Variants in SPON2 observed in about 807,000 individuals in gnomAD.
SPON2 encodes spondin-2.
A neutral mutation model predicts 29.9 loss-of-function variants in SPON2; 32 were observed. The observed-to-expected ratio is 1.07, with a 90% confidence interval of 0.81 to 1.44. SPON2 has a LOEUF of 1.44. SPON2 is among the 40% of genes most tolerant of loss of function. The pLI is 0.00. For missense variants in SPON2, 541 were observed against 455.5 expected (o/e 1.19, Z -1.71); for synonymous variants, 248 against 209.1 (o/e 1.19, Z -1.61).
chr4:1,186,034 G>A (rs1368649971), intron 1 of SPON2, among the ~76,000 whole-genome samples: 2 of 150,290 alleles, frequency 1.3e-5, no homozygotes, highest in South Asian at 2.1e-4. Flanking sequence ...CACGAGGTCA[G>A]GAGATCGAGA....
At chr4:1,168,110 C>T (rs979989937) in intron 5 of SPON2, 2 of 165,226 alleles carry the variant, frequency 1.2e-5, no homozygotes, top group Non-Finnish European at 1.3e-5. Context: ...CAGACCTTTT[C>T]AGTATCGTTC....
upstream of SPON2, among the ~76,000 whole-genome samples, chr4:1,175,853 C>G (rs1450261470): frequency 6.6e-6 from 1 of 152,094 alleles, no homozygotes; most frequent in African/African-American, 2.4e-5. Context: ...GTGCTCCAGG[C>G]AGGGCCACAG....
intron 2 of SPON2, among the ~76,000 whole-genome samples, chr4:1,178,510 C>T (rs1165996624): frequency 6.6e-6 from 1 of 152,146 alleles, no homozygotes; most frequent in Non-Finnish European, 1.5e-5. Context: ...TGACTTCCTC[C>T]CTGGCCAAGA....
At chr4:1,174,486 C>CAAAAAAAAAAAAAAA (rs59532169), upstream of SPON2, among the ~76,000 whole-genome samples, 388 of 94,156 alleles carry the variant, frequency 4.1e-3, 3 homozygotes, top group African/African-American at 6.0e-3. Context: ...GACTCCATCT[C>CAAAAAAAAAAAAAAA]AAAAAAAAAA....
At chr4:1,167,875 C>T (rs928477635) in intron 5 of SPON2, 3 of 467,514 alleles carry the variant, frequency 6.4e-6, no homozygotes, top group East Asian at 3.4e-5. Context: ...CGCGTTTCTA[C>T]GTAAGAGCCG....
At position 1,167,318 on chromosome 4, in the gene SPON2, G is replaced by C. The variant is rs562640508; in HGVS notation, c.*154C>G. On this transcript the variant is annotated 3_prime_UTR_variant, in exon 6 of 6. Coordinates refer to ENST00000290902, the MANE Select transcript of SPON2 (RefSeq NM_012445.4). Reference sequence around the variant, plus strand: ...CCAATGCCCGTGCCGGCCACCAGAGGGCCCTTCAGTGCAGAGATGGTCGGC... The same window carrying C: ...CCAATGCCCGTGCCGGCCACCAGAGCGCCCTTCAGTGCAGAGATGGTCGGC... The C allele has an allele frequency of 4.5e-4, 320 of 715,142 alleles. No homozygotes were observed. In the African/African-American group the frequency reaches 5.3e-3, roughly 12 times the overall value. 44.3% of individuals were successfully genotyped at this position (715,142 alleles called of 1,614,324 possible). A position where few individuals can be genotyped will look rare whatever the true frequency, so the allele number is the denominator to read the frequency against.
upstream of SPON2, among the ~76,000 whole-genome samples, chr4:1,197,774 C>A (rs775096122): frequency 6.6e-6 from 1 of 152,126 alleles, no homozygotes; most frequent in Non-Finnish European, 1.5e-5. Context: ...CTAGGCTGGG[C>A]GTGGTGGCTC....
chr4:1,171,624 C>T (rs1727453176), intron 2 of SPON2, 138 bp from the exon 3 acceptor site: 1 of 970,074 alleles, frequency 1.0e-6, no homozygotes. Flanking sequence ...CCGTGACACC[C>T]TGTGGCTGCC....
chr4:1,171,671 C>T, intron 2 of SPON2, 181 bp downstream of exon 2: 1 of 767,484 alleles, frequency 1.3e-6, no homozygotes, highest in Non-Finnish European at 2.1e-6. Flanking sequence ...CCGTGAGCGC[C>T]CCCTGCCCCC....
In SPON2 at chr4:1,185,195, C is replaced by T. The variant is rs1043563798; in HGVS notation, c.-238-5654G>A. Among the ~76,000 whole-genome samples the T allele has an allele frequency of 1.5e-4, 22 of 151,534 alleles. 1 individual carries two copies. The highest frequency in any genetic ancestry group is 8.3e-4 in the East Asian group (4 of 4,810). On this transcript the variant is annotated intron_variant, in intron 1 of 3. Coordinates refer to the SPON2 transcript ENST00000502483. The stretch of plus-strand genomic sequence containing the variant: ...TTCAAGCAATTCTCCTTTAGCCACC[C>T]GACTAGTTGGGATTACAGATGTGCA...
chr4:1,174,807 C>T (rs965015888), upstream of SPON2, among the ~76,000 whole-genome samples: 9 of 152,206 alleles, frequency 5.9e-5, no homozygotes, highest in Non-Finnish European at 7.3e-5. Context: ...ATTCCCATAT[C>T]GGCTCCAGCA....
At position 1,170,463 on chromosome 4, in the gene SPON2, G is replaced by A. The variant is rs879217313; in HGVS notation, c.750C>T (p.Ala250=). Reference sequence around the variant, plus strand: ...GCAGGACTGGGGCGGGAGGGATGAAGGCCCTGGGGCTCTGTCGCAGCCGCA... The same window carrying A: ...GCAGGACTGGGGCGGGAGGGATGAAAGCCCTGGGGCTCTGTCGCAGCCGCA... ...TLVRLRQSPR[A]FIPPAPVLPS... is the part of the protein sequence containing the mutation. Residue 250 remains alanine, a synonymous_variant, in exon 5 of 6, where the codon GCC becomes GCT. Coordinates refer to ENST00000290902, the MANE Select transcript of SPON2 (RefSeq NM_012445.4). 2 of 1,613,998 alleles carry A rather than the reference G, an allele frequency of 1.2e-6. No individual in the cohort carries two copies. The highest frequency in any genetic ancestry group is 2.2e-5 in the South Asian group (2 of 91,066).
chr4:1,196,055 C>A (rs943392469), upstream of SPON2, among the ~76,000 whole-genome samples: 1 of 152,188 alleles, frequency 6.6e-6, no homozygotes, highest in Non-Finnish European at 1.5e-5. Context: ...AGGAGGCTCA[C>A]ACAGGCCAGG....
chr4:1,196,201 T>A (rs1168908145), upstream of SPON2, among the ~76,000 whole-genome samples: 1 of 152,056 alleles, frequency 6.6e-6, no homozygotes, highest in African/African-American at 2.4e-5. Flanking sequence ...TTCTTTAACG[T>A]CTCTTACTGG....
rs528847287 is a variant in SPON2, at chr4:1,203,091, C to T, written c.-234+4789G>A. ...GAATTCTGCCATGTGAGGCTGGATA[C>T]GCCATTGGAGCTGCCCTCAGCAGAC... On this transcript the variant is annotated intron_variant, in intron 1 of 3. Coordinates refer to the SPON2 transcript ENST00000509233. 5.3e-5 allele frequency among the ~76,000 whole-genome samples: 8 copies of T among 152,334 alleles called. No individual in the cohort carries two copies. In the South Asian group the frequency reaches 8.3e-4, roughly 16 times the overall value.
At chr4:1,170,684 C>G in intron 4 of SPON2, 108 bp from the exon 5 acceptor site, 2 of 1,309,350 alleles carry the variant, frequency 1.5e-6, no homozygotes, top group Non-Finnish European at 2.2e-6. Context: ...CCCTCTGCAC[C>G]ACTGTTGGGG....
chr4:1,174,090 G>C (rs2153077543), upstream of SPON2, among the ~76,000 whole-genome samples: 1 of 152,228 alleles, frequency 6.6e-6, no homozygotes, highest in South Asian at 2.1e-4. Flanking sequence ...GTCTCAACTA[G>C]TCAGGAGACT....
At chr4:1,171,687 A>G in intron 2 of SPON2, 165 bp downstream of exon 2, 1 of 763,272 alleles carries the variant, frequency 1.3e-6, no homozygotes, top group Non-Finnish European at 2.1e-6. Context: ...CCCCCACCGC[A>G]TCCCCGGAAC....
intron 1 of SPON2, among the ~76,000 whole-genome samples, chr4:1,194,056 T>G (rs896805692): frequency 6.6e-6 from 1 of 151,972 alleles, no homozygotes. Context: ...CCACCTTCCC[T>G]GCAGCCACAA....
Sources: allele counts gnomAD v4.1 joint callset (sites outside exome capture counted in the v4.1 genomes callset), GRCh38; gene constraint gnomAD v4.1.1; transcripts MANE v1.5; gene names NCBI Gene and HGNC (gene_info 2026-07-23, HGNC 2026-07-21).